Variants in ZNF782 observed in about 807,000 individuals in gnomAD.
ZNF782 encodes the protein zinc finger protein 782.
Under a neutral mutation model 13.0 loss-of-function variants are expected in ZNF782, and 12 were observed. That is an observed-to-expected ratio of 0.92 (90% CI 0.59 to 1.50). The LOEUF is 1.50. Among genes scored for constraint, ZNF782 ranks in the 40% most tolerant of loss-of-function variants. The pLI is 0.00. For missense variants in ZNF782, 770 were observed against 822.9 expected (o/e 0.94, Z 0.79); for synonymous variants, 284 against 283.0 (o/e 1.00, Z -0.04).
At chr9:96,874,724 A>G (rs775354976) in intron 1 of ZNF782, among the ~76,000 whole-genome samples, 1 of 152,170 alleles carries the variant, frequency 6.6e-6, no homozygotes, top group Non-Finnish European at 1.5e-5. Context: ...TTCTCTTTCT[A>G]GGAAAGATTC....
chr9:96,863,023 C>T (rs1261096318), intron 1 of ZNF782, among the ~76,000 whole-genome samples: 1 of 152,172 alleles, frequency 6.6e-6, no homozygotes, highest in Non-Finnish European at 1.5e-5. Flanking sequence ...CTACACAATG[C>T]TATTTGTGAA....
upstream of ZNF782, among the ~76,000 whole-genome samples, chr9:96,876,743 C>G (rs1349655507): frequency 1.3e-5 from 2 of 151,988 alleles, no homozygotes; most frequent in African/African-American, 4.8e-5. Flanking sequence ...CTGTGGCTCA[C>G]GCCTGTAATC....
Position 96,817,947 on chromosome 9 carries a change from A to T in ZNF782, c.2076T>A (p.His692Gln), listed in dbSNP as rs761000840. Residue 692 changes from histidine to glutamine, a missense_variant, in exon 6 of 6, where the codon CAT (histidine) becomes CAA (glutamine). His to Gln is a conservative substitution (Grantham distance 24). Coordinates refer to ENST00000481138, the MANE Select transcript of ZNF782 (RefSeq NM_001001662.3). Reference sequence around the variant, plus strand: ...TTTAATCCCCTGGGTGGGCTTTCTGATGTTCTCTAAGGCTTGATTTTTGAC... The same window carrying T: ...TTTAATCCCCTGGGTGGGCTTTCTGTTGTTCTCTAAGGCTTGATTTTTGAC... ...TFSQKSSLREHQKAHPGD is the reference protein window; with the variant it reads ...TFSQKSSLREQQKAHPGD The T allele has an allele frequency of 6.4e-7, 1 of 1,573,688 alleles. No homozygotes were observed. The highest frequency in any genetic ancestry group is 8.6e-7 in the Non-Finnish European group (1 of 1,164,094).
the ZNF782 span, chr9:96,910,113 T>C: frequency 1.3e-4 from 85 of 679,950 alleles, 2 homozygotes; most frequent in Admixed American, 2.7e-4. Context: ...TCTGAAATCA[T>C]TGCCAAGGAC....
the ZNF782 span, among the ~76,000 whole-genome samples, chr9:96,915,289 T>C: frequency 6.6e-6 from 1 of 152,134 alleles, no homozygotes; most frequent in African/African-American, 2.4e-5. Flanking sequence ...CTGCTCTTTG[T>C]TGAAAATGTG....
intron 1 of ZNF782, among the ~76,000 whole-genome samples, chr9:96,861,928 GA>G (rs1851706406): frequency 6.6e-6 from 1 of 152,128 alleles, no homozygotes; most frequent in Admixed American, 6.5e-5. Context: ...TAAGAGAAAG[GA>G]AATCAGTATT....
chr9:96,892,994 C>T, the ZNF782 span: 13 of 151,950 alleles, frequency 8.6e-5, no homozygotes, highest in Non-Finnish European at 1.9e-4. Context: ...ATAACACCCT[C>T]GGAGCGCTCA....
intron 4 of ZNF782, among the ~76,000 whole-genome samples, chr9:96,830,804 C>T (rs1476844189): frequency 6.6e-6 from 1 of 151,944 alleles, no homozygotes. Context: ...TTTAAATAAG[C>T]CATCATATAA....
intron 1 of ZNF782, among the ~76,000 whole-genome samples, chr9:96,865,805 T>C (rs1851748349): frequency 6.6e-6 from 1 of 152,124 alleles, no homozygotes; most frequent in Non-Finnish European, 1.5e-5. Context: ...TGGTCTCAGA[T>C]GGAGATGAGG....
intron 3 of ZNF782, among the ~76,000 whole-genome samples, chr9:96,851,564 G>A (rs1010313544): frequency 6.6e-6 from 1 of 152,116 alleles, no homozygotes; most frequent in Admixed American, 6.5e-5. Context: ...ACCATAAAGT[G>A]CTAGGAAAAC....
At chr9:96,848,382 T>C (rs1412515050) in intron 3 of ZNF782, among the ~76,000 whole-genome samples, 1 of 152,220 alleles carries the variant, frequency 6.6e-6, no homozygotes, top group African/African-American at 2.4e-5. Context: ...CTACTGCTGT[T>C]TGTAGATGAT....
the ZNF782 span, chr9:96,932,260 G>A: frequency 1.2e-6 from 2 of 1,613,888 alleles, no homozygotes; most frequent in South Asian, 2.2e-5. Context: ...CTCATGGAGA[G>A]GGCAGCCTGG....
At chr9:96,863,938 AG>A (rs1167267629) in intron 1 of ZNF782, among the ~76,000 whole-genome samples, 1 of 152,082 alleles carries the variant, frequency 6.6e-6, no homozygotes, top group Admixed American at 6.6e-5. Flanking sequence ...TAGGTGCACC[AG>A]AAGCTCCTAA....
chr9:96,869,833 C>T (rs1851803739), intron 1 of ZNF782, among the ~76,000 whole-genome samples: 1 of 152,142 alleles, frequency 6.6e-6, no homozygotes, highest in Non-Finnish European at 1.5e-5. Context: ...CAGCACATAC[C>T]TGCTTCATTA....
chr9:96,918,734 CACCAGG>C, the ZNF782 span: 1 of 158,578 alleles, frequency 6.3e-6, no homozygotes, highest in Non-Finnish European at 1.4e-5. Context: ...AGCTTGAAGT[CACCAGG>C]ACTTCTTTCA....
At chr9:96,831,484 CG>C (rs1454761014) in intron 4 of ZNF782, among the ~76,000 whole-genome samples, 1 of 151,780 alleles carries the variant, frequency 6.6e-6, no homozygotes, top group African/African-American at 2.4e-5. Flanking sequence ...CCGAGACGGG[CG>C]GATCACGAGG....
chr9:96,929,933 A>G, the ZNF782 span, among the ~76,000 whole-genome samples: 2 of 151,458 alleles, frequency 1.3e-5, no homozygotes, highest in African/African-American at 4.8e-5. Flanking sequence ...CCTTTTCAGT[A>G]GAGGAAGGAG....
At chr9:96,905,949 T>C in the ZNF782 span, among the ~76,000 whole-genome samples, 2 of 152,118 alleles carry the variant, frequency 1.3e-5, no homozygotes, top group Admixed American at 1.3e-4. Context: ...AATTCTTTCT[T>C]GGGAGAGGTC....
At chr9:96,869,269 A>G (rs186243932) in intron 1 of ZNF782, among the ~76,000 whole-genome samples, 4 of 152,334 alleles carry the variant, frequency 2.6e-5, no homozygotes, top group Admixed American at 1.3e-4. Flanking sequence ...TTCTGTAACC[A>G]TAATTCAGAA....
Sources: allele counts gnomAD v4.1 joint callset (sites outside exome capture counted in the v4.1 genomes callset), GRCh38; gene constraint gnomAD v4.1.1; transcripts MANE v1.5; gene names NCBI Gene and HGNC (gene_info 2026-07-23, HGNC 2026-07-21).